Variants in DUSP14 observed in about 807,000 individuals in gnomAD.
DUSP14 encodes dual specificity phosphatase 14, also known as dual specificity protein phosphatase 14.
DUSP14 carries 5 observed loss-of-function variants against 13.2 expected under a neutral mutation model. The observed-to-expected ratio is 0.38, with a 90% CI of 0.20 to 0.80. The LOEUF (loss-of-function observed/expected upper bound fraction) is 0.80. Among genes scored for constraint, DUSP14 ranks in the 30% least tolerant of loss-of-function variants. The pLI, the probability that DUSP14 is intolerant of heterozygous loss-of-function variation, is 0.44. For missense variants in DUSP14, 185 were observed against 264.0 expected, an observed-to-expected ratio of 0.70 and a Z score of 2.07; for synonymous variants, 91 against 103.4, an observed-to-expected ratio of 0.88 and a Z score of 0.73.
intron 1 of DUSP14, among the ~76,000 whole-genome samples, chr17:37,498,782 A>G (rs529839942): frequency 6.6e-6 from 1 of 152,016 alleles, no homozygotes; most frequent in Non-Finnish European, 1.5e-5. Context: ...TACTCTTAAT[A>G]ATATTTTTAG....
chr17:37,495,297 A>C (rs1450729407), intron 1 of DUSP14, among the ~76,000 whole-genome samples: 1 of 152,146 alleles, frequency 6.6e-6, no homozygotes, highest in Non-Finnish European at 1.5e-5. Context: ...CTGTTCTTGC[A>C]CCAACCTAGA....
At chr17:37,490,584 A>G (rs1454154772) in intron 1 of DUSP14, among the ~76,000 whole-genome samples, 1 of 152,002 alleles carries the variant, frequency 6.6e-6, no homozygotes, top group African/African-American at 2.4e-5. Context: ...GGATTGTATA[A>G]CTGTATTTTA....
intron 1 of DUSP14, among the ~76,000 whole-genome samples, chr17:37,493,220 C>T (rs1283671074): frequency 6.6e-6 from 1 of 152,136 alleles, no homozygotes. Context: ...GCCTGGGCCT[C>T]CCAAAGTGCT....
rs183729599 is a variant in DUSP14, at chr17:37,512,662, C to G, written c.390C>G (p.His130Gln). ...TLCIAYLMKF[H>Q]NVCLLEAYNW... ...GTATCGCGTACCTGATGAAATTCCA[C>G]AACGTGTGCCTGCTGGAGGCGTACA... The change falls in exon 3 of 3, where the codon CAC becomes CAG. Residue 130 changes from histidine (H) to glutamine (Q), a missense_variant. Coordinates refer to ENST00000617516, the MANE Select transcript of DUSP14 (RefSeq NM_007026.4). This position sits in a 1 kb window ranked among gnomAD's most constrained non-coding sequence, Gnocchi z 4.8. The G allele has an allele frequency of 6.2e-7, 1 of 1,613,830 alleles. No individual in the cohort carries two copies.
chr17:37,493,270 T>C (rs560222608), intron 1 of DUSP14, among the ~76,000 whole-genome samples: 1 of 152,202 alleles, frequency 6.6e-6, no homozygotes, highest in East Asian at 1.9e-4. Context: ...GCCCAGTTAG[T>C]ACATTTTTGT....
chr17:37,509,041 C>T (rs1486330445), intron 1 of DUSP14, among the ~76,000 whole-genome samples: 1 of 126,580 alleles, frequency 7.9e-6, no homozygotes, highest in Non-Finnish European at 1.6e-5. Context: ...GATAACCCAG[C>T]GTCATGGGTG....
chr17:37,497,171 C>CA (rs999855659), intron 1 of DUSP14, among the ~76,000 whole-genome samples: 12 of 151,036 alleles, frequency 7.9e-5, no homozygotes, highest in African/African-American at 2.7e-4. Flanking sequence ...TTTTTAAAGA[C>CA]AGAGTCTCTT....
chr17:37,491,064 G>A (rs1339706591), intron 1 of DUSP14, among the ~76,000 whole-genome samples: 1 of 152,168 alleles, frequency 6.6e-6, no homozygotes, highest in Non-Finnish European at 1.5e-5. Context: ...CTGCCACAAA[G>A]TTAAGTAACA....
At chr17:37,488,623 C>T (rs780288733), upstream of DUSP14, among the ~76,000 whole-genome samples, 2 of 152,162 alleles carry the variant, frequency 1.3e-5, no homozygotes, top group Admixed American at 6.5e-5. Flanking sequence ...ATTAATTTTG[C>T]CTAATTTTAA....
chr17:37,508,867 G>A (rs2054155086), intron 1 of DUSP14, among the ~76,000 whole-genome samples: 1 of 147,768 alleles, frequency 6.8e-6, no homozygotes, highest in Non-Finnish European at 1.5e-5. Context: ...GTATTGAACT[G>A]AGAGAGGAAG....
intron 2 of DUSP14, among the ~76,000 whole-genome samples, chr17:37,511,585 C>CTTTTT (rs533256343): frequency 1.0e-4 from 9 of 87,312 alleles, no homozygotes; most frequent in African/African-American, 1.0e-4. Flanking sequence ...CTGGCCTTTC[C>CTTTTT]TTTTTTTTTT....
rs116057648 is a variant in DUSP14, at chr17:37,496,971, A to G, written c.-181+7013A>G. Among the ~76,000 whole-genome samples the G allele has an allele frequency of 5.5e-3, 839 of 151,800 alleles. 8 individuals are homozygous for G. The highest frequency in any genetic ancestry group is 0.019 in the African/African-American group (804 of 41,342). ...TATTGAAAGCAAATTAACCAGCATCATAACTCACCATTCAAAAATCATTGC... is the reference window on the plus strand; with the variant it reads ...TATTGAAAGCAAATTAACCAGCATCGTAACTCACCATTCAAAAATCATTGC... On this transcript the variant is annotated intron_variant, in intron 1 of 2. Transcript: ENST00000617516.
At chr17:37,496,570 A>T (rs1046369380) in intron 1 of DUSP14, among the ~76,000 whole-genome samples, 2 of 152,200 alleles carry the variant, frequency 1.3e-5, no homozygotes, top group East Asian at 3.8e-4. Context: ...CCTGACCAAC[A>T]TAGTGAAACC....
intron 1 of DUSP14, among the ~76,000 whole-genome samples, chr17:37,500,213 G>C (rs1386000051): frequency 1.3e-5 from 2 of 152,218 alleles, no homozygotes; most frequent in Non-Finnish European, 2.9e-5. Context: ...TATAAGTGAA[G>C]TTAATTTGGT....
chr17:37,499,709 T>C, intron 1 of DUSP14, among the ~76,000 whole-genome samples: 1 of 152,046 alleles, frequency 6.6e-6, no homozygotes, highest in East Asian at 1.9e-4. Flanking sequence ...TTTATATTTT[T>C]AGTAGAGACG....
rs1568204456 is a variant in DUSP14 at position 37,509,135 on chromosome 17, A to ATATATATATATG, written c.-180-1542_-180-1541insTATATATATATG. On this transcript the variant is annotated intron_variant, in intron 1 of 2. Transcript: ENST00000617516. ...TATATATATATATATATATACACAC[A>ATATATATATATG]CACACACACACACACACACACACAC... 3.2e-3 allele frequency among the ~76,000 whole-genome samples: 123 copies of ATATATATATATG among 38,954 alleles called. 10 individuals carry two copies. The highest frequency in any genetic ancestry group is 0.02 in the East Asian group (19 of 964). The allele number at this position is 38,954 out of a possible 152,430, so 25.6% of individuals were successfully genotyped here.
chr17:37,512,261 G>A lies in DUSP14; in HGVS notation c.-12G>A. 6.3e-7 allele frequency: 1 copy of A among 1,582,660 alleles called. No homozygotes were observed. Among genetic ancestry groups the A allele is most frequent in the South Asian group, 1.1e-5 (1 of 87,696 alleles). ...TGCCGCCAACGATGCAAGTGTGACT[G>A]CTGGCGTCTTCATGAGCTCCAGAGG... On this transcript the variant is annotated 5_prime_UTR_variant, in exon 3 of 3. Coordinates refer to ENST00000617516, the MANE Select transcript of DUSP14 (RefSeq NM_007026.4). The surrounding 1 kb of genome is among the most constrained non-coding windows in gnomAD (Gnocchi z 4.8).
At chr17:37,504,134 C>A (rs550476789) in intron 1 of DUSP14, among the ~76,000 whole-genome samples, 1 of 152,274 alleles carries the variant, frequency 6.6e-6, no homozygotes, top group Admixed American at 6.5e-5. Flanking sequence ...GTGGAGGTTG[C>A]GGTGAGCCGA....
Position 37,512,675 on chromosome 17 carries a change from C to A in DUSP14, c.403C>A (p.Leu135Met), listed in dbSNP as rs2054198216. Residue 135 changes from leucine to methionine, a missense_variant, in exon 3 of 3, where the codon CTG becomes ATG. Leu to Met is a conservative substitution (Grantham distance 15). Coordinates refer to ENST00000617516, the MANE Select transcript of DUSP14 (RefSeq NM_007026.4). The surrounding 1 kb of genome is among the most constrained non-coding windows in gnomAD (Gnocchi z 4.8). ...GATGAAATTCCACAACGTGTGCCTG[C>A]TGGAGGCGTACAACTGGGTGAAAGC... Reference protein sequence around the residue: ...YLMKFHNVCLLEAYNWVKARR... With the variant: ...YLMKFHNVCLMEAYNWVKARR... 1 of 1,613,934 alleles carries A rather than the reference C, an allele frequency of 6.2e-7. No homozygotes were observed.
Sources: gnomAD v4.1 joint callset for allele counts (sites outside exome capture counted in the v4.1 genomes callset) on GRCh38, gnomAD v4.1.1 for gene constraint, Gnocchi (gnomAD v3.1) non-coding constraint, MANE v1.5 for transcripts, NCBI Gene and HGNC (gene_info 2026-07-23, HGNC 2026-07-21) for gene names.